SCAF4: variants seen among roughly 807,000 people sequenced by gnomAD.
SCAF4 encodes the protein SR-related CTD associated factor 4.
Under a neutral mutation model 129.8 loss-of-function variants are expected in SCAF4, and 25 were observed. That is an observed-to-expected ratio of 0.19 (90% CI 0.14 to 0.27). The LOEUF (loss-of-function observed/expected upper bound fraction) is 0.27. SCAF4 is among the 10% of genes least tolerant of loss of function. SCAF4 has a pLI of 1.00. For synonymous variants in SCAF4, 551 were observed against 497.7 expected (o/e 1.11, Z -1.43); for missense variants, 1,246 against 1,457.1 (o/e 0.86, Z 2.36).
intron 3 of SCAF4, among the ~76,000 whole-genome samples, 158 bp downstream of exon 3, chr21:31,705,265 C>T (rs536045461): frequency 3.9e-5 from 6 of 152,020 alleles, no homozygotes; most frequent in African/African-American, 1.4e-4. Context: ...AATGGTACTG[C>T]TAAAAATGTG....
intron 1 of SCAF4, among the ~76,000 whole-genome samples, chr21:31,713,847 T>A (rs1376838275): frequency 6.6e-6 from 1 of 152,060 alleles, no homozygotes; most frequent in Non-Finnish European, 1.5e-5. Flanking sequence ...ATACACAGAG[T>A]AGACAACAGA....
intron 1 of SCAF4, among the ~76,000 whole-genome samples, chr21:31,723,179 C>T (rs931347901): frequency 2.0e-5 from 3 of 152,190 alleles, no homozygotes; most frequent in African/African-American, 7.2e-5. Flanking sequence ...TTGTAACTGT[C>T]TACCGAACAC....
chr21:31,723,609 G>GTTTTGTGTGTGT (rs112184778), intron 1 of SCAF4, among the ~76,000 whole-genome samples: 43 of 146,038 alleles, frequency 2.9e-4, no homozygotes, highest in African/African-American at 1.0e-3. Flanking sequence ...TGATTTATAT[G>GTTTTGTGTGTGT]ATGTGTGTGT....
chr21:31,682,162 C>T (rs2050010126), intron 19 of SCAF4, among the ~76,000 whole-genome samples: 1 of 152,064 alleles, frequency 6.6e-6, no homozygotes, highest in South Asian at 2.1e-4. Context: ...CGGTGGCTCA[C>T]GAGGTCAAGA....
intron 1 of SCAF4, among the ~76,000 whole-genome samples, chr21:31,728,191 C>T (rs1195551959): frequency 3.9e-5 from 6 of 152,168 alleles, no homozygotes; most frequent in Non-Finnish European, 8.8e-5. Flanking sequence ...ATCTAAAAGA[C>T]TAGGGATTCA....
chr21:31,722,929 G>T (rs924297077), intron 1 of SCAF4, among the ~76,000 whole-genome samples: 1 of 152,022 alleles, frequency 6.6e-6, no homozygotes, highest in Non-Finnish European at 1.5e-5. Context: ...CTCCAGCCTG[G>T]GTGACAGAGC....
intron 7 of SCAF4, among the ~76,000 whole-genome samples, chr21:31,700,207 A>G (rs916851078): frequency 8.0e-5 from 12 of 149,520 alleles, no homozygotes; most frequent in African/African-American, 2.9e-4. Flanking sequence ...CAAATAATAT[A>G]TAATTTTATA....
At chr21:31,673,481 G>A (rs963855855) in intron 19 of SCAF4, among the ~76,000 whole-genome samples, 2 of 132,052 alleles carry the variant, frequency 1.5e-5, no homozygotes, top group African/African-American at 6.5e-5. Flanking sequence ...ATTGGGAAAT[G>A]CTGATTACCA....
At chr21:31,730,046 T>A (rs896657279) in intron 1 of SCAF4, among the ~76,000 whole-genome samples, 1 of 152,254 alleles carries the variant, frequency 6.6e-6, no homozygotes, top group Admixed American at 6.5e-5. Flanking sequence ...TACACATTCA[T>A]TGTTGGGAGA....
intron 13 of SCAF4, 171 bp from the exon 14 acceptor site, chr21:31,692,101 A>AG: frequency 1.7e-6 from 1 of 589,718 alleles, no homozygotes; most frequent in Non-Finnish European, 3.0e-6. Context: ...GAGTCCTCCA[A>AG]GCTTTGTTAT....
chr21:31,714,560 A>T (rs1196499622), intron 1 of SCAF4, among the ~76,000 whole-genome samples: 1 of 152,204 alleles, frequency 6.6e-6, no homozygotes, highest in Non-Finnish European at 1.5e-5. Context: ...AGAATGATTC[A>T]TCCTGATCCC....
intron 19 of SCAF4, among the ~76,000 whole-genome samples, chr21:31,673,608 A>G (rs779589159): frequency 3.9e-5 from 6 of 152,236 alleles, no homozygotes; most frequent in Non-Finnish European, 8.8e-5. Context: ...GCTACACTGT[A>G]TCTCAGATAG....
At position 31,671,108 on chromosome 21, in the gene SCAF4, T is replaced by TA. The variant is rs573116164; in HGVS notation, c.*290dup. The TA allele has an allele frequency of 0.038, 7,946 of 207,800 alleles. 116 individuals are homozygous for TA. Among genetic ancestry groups the TA allele is most frequent in the Non-Finnish European group, 0.044 (4,894 of 110,494 alleles). 12.9% of individuals were successfully genotyped at this position (207,800 alleles called of 1,614,324 possible). On this transcript the variant is annotated 3_prime_UTR_variant, in exon 20 of 20. Transcript: ENST00000286835. Reference sequence around the variant, plus strand: ...CTTTCACCGTTACCTTGTCTTAAATTAAAAAAAAAAAAAAAAATAGAGAGC... The same window carrying TA: ...CTTTCACCGTTACCTTGTCTTAAATTAAAAAAAAAAAAAAAAAATAGAGAGC...
At position 31,685,623 on chromosome 21, in the gene SCAF4, GGGA is replaced by G; in HGVS notation, c.2151_2153del (p.Pro723del). The stretch of plus-strand genomic sequence containing the variant: ...GGCGCAAAAATGGTGGAGGAGGAGG[GGGA>G]GGAGGAACACCAGGACCAAAGCCTG... On this transcript the variant is annotated inframe_deletion, in exon 17 of 20. Coordinates refer to ENST00000286835, the MANE Select transcript of SCAF4 (RefSeq NM_020706.2). The G allele has an allele frequency of 6.2e-7, 1 of 1,614,084 alleles. No homozygotes were observed. Among genetic ancestry groups the G allele is most frequent in the Non-Finnish European group, 8.5e-7 (1 of 1,180,018 alleles).
Position 31,694,301 on chromosome 21 carries a change from A to C in SCAF4, c.1237-12T>G. ...TCTACTTCCATTTCCTTAAAAAACA[A>C]AAACCATGATAAAATGAGAAATTTA... On this transcript the variant is annotated splice_polypyrimidine_tract_variant and intron_variant, in intron 10 of 19. Transcript: ENST00000286835. 2.0e-6 allele frequency: 3 copies of C among 1,513,708 alleles called. No homozygotes were observed. Among genetic ancestry groups the C allele is most frequent in the Non-Finnish European group, 2.7e-6 (3 of 1,097,556 alleles). 93.8% of individuals were successfully genotyped at this position (1,513,708 alleles called of 1,614,324 possible).
chr21:31,727,328 T>C (rs2051230942), intron 1 of SCAF4, among the ~76,000 whole-genome samples: 1 of 152,200 alleles, frequency 6.6e-6, no homozygotes, highest in African/African-American at 2.4e-5. Flanking sequence ...TTCACCCGCC[T>C]TGGGCTCCCA....
chr21:31,705,745 C>T (rs2050643244), intron 2 of SCAF4, among the ~76,000 whole-genome samples: 1 of 152,034 alleles, frequency 6.6e-6, no homozygotes, highest in African/African-American at 2.4e-5. Flanking sequence ...CCTTATGGGA[C>T]AAAACCAATG....
chr21:31,683,347 C>G (rs2050039348), intron 19 of SCAF4, among the ~76,000 whole-genome samples: 1 of 152,204 alleles, frequency 6.6e-6, no homozygotes. Flanking sequence ...ACCGACTTCT[C>G]ATCTGTGTTT....
intron 19 of SCAF4, among the ~76,000 whole-genome samples, chr21:31,674,754 G>A (rs775606659): frequency 9.9e-5 from 15 of 152,166 alleles, no homozygotes; most frequent in South Asian, 8.3e-4. Flanking sequence ...GAAATATGAC[G>A]TGTGATATCA....
Sources: gnomAD v4.1 joint callset for allele counts (sites outside exome capture counted in the v4.1 genomes callset) on GRCh38, gnomAD v4.1.1 for gene constraint, MANE v1.5 for transcripts, NCBI Gene and HGNC (gene_info 2026-07-23, HGNC 2026-07-21) for gene names.